PARD3B: variants seen among roughly 807,000 people sequenced by gnomAD.
PARD3B encodes the protein partitioning defective 3 homolog B.
In PARD3B, 103 loss-of-function variants were observed where a neutral mutation model predicts 130.2. The ratio of observed to expected loss-of-function variants is 0.79; its 90% CI spans 0.67 to 0.93. The LOEUF (loss-of-function observed/expected upper bound fraction) is 0.93, where lower values mean the gene tolerates loss of function less well. Ranked by LOEUF, PARD3B falls within the 40% of genes least tolerant of loss-of-function variation. PARD3B has a pLI of 0.00. For missense variants in PARD3B, 1,609 were observed against 1,499.2 expected (o/e 1.07, Z -1.21); for synonymous variants, 583 against 553.2 (o/e 1.05, Z -0.76).
In PARD3B at chr2:205,292,901, T is replaced by C. The variant is rs532109707; in HGVS notation, c.2186-7629T>C. 2.0e-5 allele frequency among the ~76,000 whole-genome samples: 3 copies of C among 152,328 alleles called. No individual in the cohort carries two copies. The highest frequency in any genetic ancestry group is 2.1e-4 in the South Asian group (1 of 4,832). ...GCCACAAAAAATACCCAGTAAATAATTGTCAACAGCTGACTTGATTTTGGC... is the reference window on the plus strand; with the variant it reads ...GCCACAAAAAATACCCAGTAAATAACTGTCAACAGCTGACTTGATTTTGGC... On this transcript the variant is annotated intron_variant, in intron 16 of 22. Coordinates refer to ENST00000406610, the MANE Select transcript of PARD3B (RefSeq NM_001302769.2). The surrounding 1 kb of genome is among the most constrained non-coding windows in gnomAD (Gnocchi z 5.3).
chr2:204,866,971 A>C (rs754739707), intron 2 of PARD3B, among the ~76,000 whole-genome samples: 3 of 152,104 alleles, frequency 2.0e-5, no homozygotes, highest in Admixed American at 6.6e-5. Flanking sequence ...CAGGAGGCTG[A>C]AGCAGGAGAA....
intron 5 of PARD3B, among the ~76,000 whole-genome samples, chr2:205,107,435 G>C (rs1351293846): frequency 6.6e-6 from 1 of 152,202 alleles, no homozygotes; most frequent in Non-Finnish European, 1.5e-5. Context: ...TTATTGTGAA[G>C]ATTAAATGAG....
At chr2:205,399,389 A>C (rs1373195811) in intron 18 of PARD3B, among the ~76,000 whole-genome samples, 4 of 151,760 alleles carry the variant, frequency 2.6e-5, no homozygotes, top group South Asian at 2.1e-4. Flanking sequence ...GAGTATCACT[A>C]TGTCACCCAG....
chr2:205,529,667 T>G (rs533067906), intron 21 of PARD3B, among the ~76,000 whole-genome samples: 2 of 152,322 alleles, frequency 1.3e-5, no homozygotes, highest in East Asian at 3.9e-4. Context: ...AGTTAGTAGC[T>G]TTTTGGACAT....
In PARD3B at chr2:205,287,652, T is replaced by C. The variant is rs62171473; in HGVS notation, c.2186-12878T>C. The stretch of plus-strand genomic sequence containing the variant: ...CATAGTACACCAAGGAAAGCCAGGA[T>C]GCTCATTTTAGATAGAATAATGGGT... On this transcript the variant is annotated intron_variant, in intron 16 of 22. Transcript: ENST00000406610. The surrounding 1 kb of genome is among the most constrained non-coding windows in gnomAD (Gnocchi z 4.8). 0.078 allele frequency among the ~76,000 whole-genome samples: 11,937 copies of C among 152,190 alleles called. 758 individuals are homozygous for C. The highest frequency in any genetic ancestry group is 0.18 in the African/African-American group (7,340 of 41,494).
intron 20 of PARD3B, among the ~76,000 whole-genome samples, chr2:205,489,524 CACACATATATATGGCATATATATGTAT>C (rs2049597166): frequency 6.3e-4 from 22 of 34,664 alleles, no homozygotes; most frequent in Admixed American, 3.4e-3. Flanking sequence ...TATATATATA[CACACATATATATGGCATATATATGTAT>C]ATATATACAT....
rs4675524 is a variant in PARD3B, at chr2:205,345,990, G to A, written c.2630+44289G>A. Among the ~76,000 whole-genome samples, 3 of 37,014 alleles carry A rather than the reference G, an allele frequency of 8.1e-5. 1 individual carries two copies. The highest frequency in any genetic ancestry group is 1.3e-4 in the Non-Finnish European group (1 of 7,876). 24.3% of individuals were successfully genotyped at this position (37,014 alleles called of 152,430 possible). On this transcript the variant is annotated intron_variant, in intron 18 of 22. Coordinates refer to ENST00000406610, the MANE Select transcript of PARD3B (RefSeq NM_001302769.2). ...GTTCAAGACCAGCCTGGCCAACATA[G>A]TGAAACCCTGTCTCTACTAAAATAC...
At chr2:205,205,773 GCC>G (rs1491270067) in intron 15 of PARD3B, among the ~76,000 whole-genome samples, 1 of 152,190 alleles carries the variant, frequency 6.6e-6, no homozygotes, top group Non-Finnish European at 1.5e-5. Flanking sequence ...TGTTGAACCA[GCC>G]TTGCATCCCA....
At position 205,564,741 on chromosome 2, in the gene PARD3B, G is replaced by A. The variant is rs1341729815; in HGVS notation, c.3260+11338G>A. On this transcript the variant is annotated intron_variant, in intron 22 of 22. Coordinates refer to ENST00000406610, the MANE Select transcript of PARD3B (RefSeq NM_001302769.2). The surrounding 1 kb of genome is among the most constrained non-coding windows in gnomAD (Gnocchi z 4.6). ...GGATCTCATGTGACACAGGCCCCAC[G>A]ACCTCGATCATTCTGCCAAGAAACA... Among the ~76,000 whole-genome samples, 8 of 152,122 alleles carry A rather than the reference G, an allele frequency of 5.3e-5. No individual in the cohort carries two copies. The highest frequency in any genetic ancestry group is 1.2e-4 in the African/African-American group (5 of 41,422).
At chr2:205,238,849 A>AAAAAAAATATATAT (rs1273582854) in intron 15 of PARD3B, among the ~76,000 whole-genome samples, 5 of 76,904 alleles carry the variant, frequency 6.5e-5, no homozygotes, top group Admixed American at 1.9e-4. Context: ...AAAAAAAAAA[A>AAAAAAAATATATAT]ATATATATAT....
At chr2:205,492,755 T>C (rs1338641713) in intron 20 of PARD3B, among the ~76,000 whole-genome samples, 4 of 152,190 alleles carry the variant, frequency 2.6e-5, no homozygotes, top group Non-Finnish European at 4.4e-5. Context: ...TTTTCAGAGC[T>C]GTTCTAGACT....
In PARD3B at chr2:204,843,189, T is replaced by G. The variant is rs541080359; in HGVS notation, c.223-121963T>G. On this transcript the variant is annotated intron_variant, in intron 2 of 22. Transcript: ENST00000406610. ...GAAAGCTTGGAGAGAAAAAAAAAAT[T>G]AGACAAGCCTTCCCCAAAGGTTTGG... 2.6e-5 allele frequency among the ~76,000 whole-genome samples: 4 copies of G among 152,142 alleles called. No individual in the cohort carries two copies. In the East Asian group the frequency reaches 7.7e-4, roughly 29 times the overall value.
chr2:205,524,886 C>T (rs2106411519), intron 21 of PARD3B, among the ~76,000 whole-genome samples: 1 of 152,304 alleles, frequency 6.6e-6, no homozygotes, highest in South Asian at 2.1e-4. Flanking sequence ...CTCAATGACT[C>T]ACACTGGTGC....
rs937179958 is a variant in PARD3B at position 205,341,076 on chromosome 2, A to G, written c.2630+39375A>G. On this transcript the variant is annotated intron_variant, in intron 18 of 22. Coordinates refer to ENST00000406610, the MANE Select transcript of PARD3B (RefSeq NM_001302769.2). The surrounding 1 kb of genome is among the most constrained non-coding windows in gnomAD (Gnocchi z 4.3). ...TCTTATCCGAGTTTGAATGGCTATGATCAAAAAAATAAAAAATAAAAAAAT... is the reference window on the plus strand; with the variant it reads ...TCTTATCCGAGTTTGAATGGCTATGGTCAAAAAAATAAAAAATAAAAAAAT... 6.6e-6 allele frequency among the ~76,000 whole-genome samples: 1 copy of G among 152,120 alleles called. No individual in the cohort carries two copies. Among genetic ancestry groups the G allele is most frequent in the Middle Eastern group, 3.2e-3 (1 of 316 alleles).
rs766960495 is a variant in PARD3B, at chr2:205,585,076, AG to A, written c.3261-30378del. On this transcript the variant is annotated intron_variant, in intron 22 of 22. Transcript: ENST00000406610. This position sits in a 1 kb window ranked among gnomAD's most constrained non-coding sequence, Gnocchi z 5.4. ...CAGAAAATGGCACCAACCAAAATGG[AG>A]GCCTGGATAGTGGAGGCGTGAAAAT... Among the ~76,000 whole-genome samples the A allele has an allele frequency of 2.0e-5, 3 of 152,178 alleles. No individual in the cohort carries two copies. The highest frequency in any genetic ancestry group is 4.4e-5 in the Non-Finnish European group (3 of 68,006).
At chr2:205,172,853 T>G (rs973521836) in intron 12 of PARD3B, among the ~76,000 whole-genome samples, 3 of 152,202 alleles carry the variant, frequency 2.0e-5, no homozygotes, top group African/African-American at 4.8e-5. Flanking sequence ...CTTGCTCATG[T>G]TATTAAATAA....
intron 2 of PARD3B, among the ~76,000 whole-genome samples, chr2:204,927,836 G>A (rs571614821): frequency 1.4e-5 from 2 of 144,058 alleles, no homozygotes; most frequent in Admixed American, 6.8e-5. Flanking sequence ...AGGTAGGTAG[G>A]TACGTAGGTA....
rs116233533 is a variant in PARD3B at position 204,555,552 on chromosome 2, C to T, written c.120+9433C>T. Among the ~76,000 whole-genome samples, 1,041 of 151,976 alleles carry T rather than the reference C, an allele frequency of 6.8e-3. 11 individuals are homozygous for T. The highest frequency in any genetic ancestry group is 0.023 in the African/African-American group (973 of 41,440). ...CAGCCTGGGCAACAGAGCAAGATGC[C>T]GTCTTAAAAAAAATTTATATCCATG... On this transcript the variant is annotated intron_variant, in intron 1 of 22. Coordinates refer to ENST00000406610, the MANE Select transcript of PARD3B (RefSeq NM_001302769.2).
At position 205,142,963 on chromosome 2, in the gene PARD3B, G is replaced by A. The variant is rs569950275; in HGVS notation, c.1435-15759G>A. On this transcript the variant is annotated intron_variant, in intron 10 of 22. Coordinates refer to ENST00000406610, the MANE Select transcript of PARD3B (RefSeq NM_001302769.2). This position sits in a 1 kb window ranked among gnomAD's most constrained non-coding sequence, Gnocchi z 4.3. ...AGAAAGTGATGCGAATCATCAGAAT[G>A]GGAAAACATAAGTGAAATGGGAGCT... Among the ~76,000 whole-genome samples, 7 of 152,234 alleles carry A rather than the reference G, an allele frequency of 4.6e-5. No individual in the cohort carries two copies. The highest frequency in any genetic ancestry group is 2.1e-4 in the South Asian group (1 of 4,818).
Sources: allele counts gnomAD v4.1 joint callset (sites outside exome capture counted in the v4.1 genomes callset), GRCh38; gene constraint gnomAD v4.1.1; non-coding constraint Gnocchi (gnomAD v3.1); transcripts MANE v1.5; gene names NCBI Gene and HGNC (gene_info 2026-07-23, HGNC 2026-07-21).